The following GABRB1 variants were observed in gnomAD, a reference collection of about 807,000 sequenced individuals.
GABRB1 encodes the protein gamma-aminobutyric acid receptor subunit beta-1.
GABRB1 carries 17 observed loss-of-function variants against 51.6 expected under a neutral mutation model. That is an observed-to-expected ratio of 0.33 (90% CI 0.23 to 0.49). The LOEUF is 0.49. Among genes scored for constraint, GABRB1 ranks in the 20% least tolerant of loss-of-function variants. GABRB1 has a pLI of 0.99. For missense variants in GABRB1, 410 were observed against 600.6 expected, an observed-to-expected ratio of 0.68 and a Z score of 3.32; for synonymous variants, 247 against 218.9, an observed-to-expected ratio of 1.13 and a Z score of -1.14.
chr4:47,032,300 G>A, intron 2 of GABRB1, 117 bp from the exon 3 acceptor site: 3 of 957,452 alleles, frequency 3.1e-6, no homozygotes, highest in Non-Finnish European at 1.6e-6. Context: ...AGGGGTGGTG[G>A]GGGGAGCAGG....
intron 4 of GABRB1, among the ~76,000 whole-genome samples, chr4:47,199,508 C>T (rs1280017796): frequency 6.6e-6 from 1 of 151,982 alleles, no homozygotes; most frequent in East Asian, 1.9e-4. Flanking sequence ...ATGCAAGAGA[C>T]CTACATAGTT....
intron 4 of GABRB1, among the ~76,000 whole-genome samples, chr4:47,271,047 G>GA (rs1722856878): frequency 6.6e-6 from 1 of 152,138 alleles, no homozygotes; most frequent in Middle Eastern, 3.4e-3. Context: ...CAATCAAGTT[G>GA]AAAATATAAA....
rs938281509 is a variant in GABRB1, at chr4:47,084,730, G to A, written c.240+52246G>A. ...AACAAAGTCTTTGTAAGACTTACAA[G>A]TTATTTGTAAGTCATAAACAGGGTA... On this transcript the variant is annotated intron_variant, in intron 3 of 8. Coordinates refer to ENST00000295454, the MANE Select transcript of GABRB1 (RefSeq NM_000812.4). 2.0e-4 allele frequency among the ~76,000 whole-genome samples: 30 copies of A among 152,236 alleles called. No individual in the cohort carries two copies. The Middle Eastern group carries it at 0.014, about 69-fold the overall frequency.
At chr4:47,307,642 C>T (rs1202319022) in intron 4 of GABRB1, among the ~76,000 whole-genome samples, 1 of 151,888 alleles carries the variant, frequency 6.6e-6, no homozygotes, top group Admixed American at 6.6e-5. Context: ...CAAATTTATT[C>T]ATCTAAGTAA....
chr4:47,076,526 G>T (rs1166000862), intron 3 of GABRB1, among the ~76,000 whole-genome samples: 4 of 152,082 alleles, frequency 2.6e-5, no homozygotes, highest in African/African-American at 4.8e-5. Flanking sequence ...TCCCAAAGCG[G>T]CTCTGAGTTG....
At chr4:47,370,663 G>T (rs144197957) in intron 5 of GABRB1, among the ~76,000 whole-genome samples, 225 of 152,186 alleles carry the variant, frequency 1.5e-3, no homozygotes, top group African/African-American at 5.1e-3. Context: ...TGATATGCAG[G>T]TATATTCTGT....
At chr4:47,168,207 G>A (rs1718280346) in intron 4 of GABRB1, among the ~76,000 whole-genome samples, 1 of 151,988 alleles carries the variant, frequency 6.6e-6, no homozygotes. Context: ...CACCTATATT[G>A]TCGTATGTCA....
chr4:47,260,018 G>A (rs1312046681), intron 4 of GABRB1, among the ~76,000 whole-genome samples: 1 of 152,094 alleles, frequency 6.6e-6, no homozygotes, highest in African/African-American at 2.4e-5. Flanking sequence ...CCTGTATTGG[G>A]TGCATACATA....
intron 1 of GABRB1, among the ~76,000 whole-genome samples, chr4:47,006,260 A>T (rs186235516): frequency 6.6e-6 from 1 of 152,068 alleles, no homozygotes; most frequent in East Asian, 1.9e-4. Context: ...TCACAGACAG[A>T]CCCTTCATTA....
chr4:47,315,558 G>T (rs2109957778), intron 4 of GABRB1, among the ~76,000 whole-genome samples: 1 of 151,900 alleles, frequency 6.6e-6, no homozygotes, highest in Non-Finnish European at 1.5e-5. Context: ...ATGAGTCATT[G>T]TACCTTAAAG....
At chr4:47,144,316 G>C (rs1262861970) in intron 3 of GABRB1, among the ~76,000 whole-genome samples, 3 of 151,966 alleles carry the variant, frequency 2.0e-5, no homozygotes, top group Non-Finnish European at 4.4e-5. Context: ...AGTTTTGGAG[G>C]TCAGAAGTTA....
intron 5 of GABRB1, among the ~76,000 whole-genome samples, chr4:47,347,645 T>C (rs1726151518): frequency 6.6e-6 from 1 of 151,930 alleles, no homozygotes; most frequent in African/African-American, 2.4e-5. Context: ...GAAAAAAAAA[T>C]GATGTCTGAC....
chr4:47,171,905 T>C (rs1224584505), intron 4 of GABRB1, among the ~76,000 whole-genome samples: 2 of 152,136 alleles, frequency 1.3e-5, no homozygotes, highest in African/African-American at 2.4e-5. Flanking sequence ...TGTGAAATAG[T>C]CATCCAGAAG....
At chr4:47,379,206 A>G (rs1467457999) in intron 5 of GABRB1, among the ~76,000 whole-genome samples, 1 of 152,180 alleles carries the variant, frequency 6.6e-6, no homozygotes, top group Non-Finnish European at 1.5e-5. Flanking sequence ...ATACTCTACT[A>G]TACAACTATG....
At chr4:47,204,564 A>G (rs1292319628) in intron 4 of GABRB1, among the ~76,000 whole-genome samples, 1 of 152,030 alleles carries the variant, frequency 6.6e-6, no homozygotes, top group Non-Finnish European at 1.5e-5. Flanking sequence ...TCTCATCTTG[A>G]ATTGTAATTC....
intron 5 of GABRB1, among the ~76,000 whole-genome samples, chr4:47,325,218 CA>C (rs569270232): frequency 3.6e-4 from 55 of 152,142 alleles, no homozygotes; most frequent in Non-Finnish European, 6.9e-4. Flanking sequence ...AGGCAGATCA[CA>C]AGGTCAGGAG....
chr4:47,101,049 G>T (rs533109704), intron 3 of GABRB1, among the ~76,000 whole-genome samples: 2 of 152,030 alleles, frequency 1.3e-5, no homozygotes, highest in South Asian at 4.1e-4. Context: ...AATTCCATGT[G>T]CCATGAAAAT....
intron 4 of GABRB1, among the ~76,000 whole-genome samples, chr4:47,166,160 C>A (rs1336015423): frequency 6.6e-6 from 1 of 152,036 alleles, no homozygotes; most frequent in Non-Finnish European, 1.5e-5. Context: ...GCATTTCAAG[C>A]TTAAGTATGT....
chr4:47,177,255 A>C (rs1718741077), intron 4 of GABRB1, among the ~76,000 whole-genome samples: 1 of 152,110 alleles, frequency 6.6e-6, no homozygotes, highest in Non-Finnish European at 1.5e-5. Flanking sequence ...GATCAGATGG[A>C]ATATAGTTGC....
Sources: allele counts gnomAD v4.1 joint callset (sites outside exome capture counted in the v4.1 genomes callset), GRCh38; gene constraint gnomAD v4.1.1; transcripts MANE v1.5; gene names NCBI Gene and HGNC (gene_info 2026-07-23, HGNC 2026-07-21).